The following CALN1 variants were observed in gnomAD, a reference collection of about 807,000 sequenced individuals.
CALN1 encodes calneuron 1, also known as calcium-binding protein 8.
Under a neutral mutation model 30.6 loss-of-function variants are expected in CALN1, and 17 were observed. That is an observed-to-expected ratio of 0.56 (90% CI 0.38 to 0.83). CALN1 has a LOEUF of 0.83. Among genes scored for constraint, CALN1 ranks in the 40% least tolerant of loss-of-function variants. The probability of loss-of-function intolerance (pLI) is 0.00; values close to 1 mark genes in which losing one functional copy is unlikely to be tolerated. For missense variants in CALN1, 291 were observed against 354.9 expected, an observed-to-expected ratio of 0.82 and a Z score of 1.45; for synonymous variants, 156 against 131.4, an observed-to-expected ratio of 1.19 and a Z score of -1.28.
intron 2 of CALN1, among the ~76,000 whole-genome samples, chr7:72,345,423 A>G (rs112175884): frequency 1.0e-3 from 127 of 123,312 alleles, no homozygotes; most frequent in Non-Finnish European, 1.7e-3. Context: ...GAGAAAGGAA[A>G]GAAAGGAAGG....
intron 5 of CALN1, among the ~76,000 whole-genome samples, chr7:71,870,766 G>A (rs1306159792): frequency 1.3e-5 from 2 of 152,188 alleles, no homozygotes; most frequent in African/African-American, 4.8e-5. Flanking sequence ...GGCAAATGAC[G>A]AAGCATAAAA....
chr7:71,785,056 G>A lies in CALN1; in HGVS notation c.*2719C>T, dbSNP rs60106355. Reference sequence around the variant, plus strand: ...GAGCTCCTGAAGTCTAAGGAATGCCGCTAGCTCAGGGCCGTCTCCACGCAC... The same window carrying A: ...GAGCTCCTGAAGTCTAAGGAATGCCACTAGCTCAGGGCCGTCTCCACGCAC... On this transcript the variant is annotated 3_prime_UTR_variant, in exon 7 of 7. Coordinates refer to ENST00000395275, the MANE Select transcript of CALN1 (RefSeq NM_031468.4). The A allele has an allele frequency of 0.013, 5,176 of 393,816 alleles. 243 individuals are homozygous for A. The highest frequency in any genetic ancestry group is 0.093 in the African/African-American group (4,515 of 48,620). The allele number at this position is 393,816 out of a possible 1,614,324, so 24.4% of individuals were successfully genotyped here.
chr7:72,316,312 G>A (rs1204087906), intron 2 of CALN1, among the ~76,000 whole-genome samples: 2 of 151,542 alleles, frequency 1.3e-5, no homozygotes, highest in Admixed American at 6.6e-5. Context: ...ATATTAGGGT[G>A]GTGCAAAAGT....
At chr7:72,058,141 C>T (rs1336763056) in intron 4 of CALN1, among the ~76,000 whole-genome samples, 2 of 151,992 alleles carry the variant, frequency 1.3e-5, no homozygotes, top group African/African-American at 2.4e-5. Flanking sequence ...TAAATAATCA[C>T]GCCACGTTAA....
At chr7:72,352,977 T>C (rs886434417) in intron 2 of CALN1, among the ~76,000 whole-genome samples, 2 of 151,964 alleles carry the variant, frequency 1.3e-5, no homozygotes, top group African/African-American at 4.8e-5. Flanking sequence ...TGACAAAAAA[T>C]GGACAATTTA....
intron 4 of CALN1, among the ~76,000 whole-genome samples, chr7:72,091,125 T>G (rs1221094360): frequency 1.3e-5 from 2 of 152,120 alleles, no homozygotes; most frequent in African/African-American, 4.8e-5. Flanking sequence ...GGTTTGGAAT[T>G]TGAGGCCAGA....
chr7:72,106,122 A>G, intron 4 of CALN1, 29 bp downstream of exon 4: 9 of 1,609,424 alleles, frequency 5.6e-6, no homozygotes, highest in Non-Finnish European at 7.6e-6. Context: ...GGCATGTCTC[A>G]GGGGAGAAGC....
intron 5 of CALN1, among the ~76,000 whole-genome samples, chr7:71,912,262 A>G (rs1024016140): frequency 9.2e-5 from 14 of 152,040 alleles, no homozygotes; most frequent in Non-Finnish European, 1.5e-4. Flanking sequence ...GGAACCTGAG[A>G]CTTTCTGCTG....
At chr7:72,150,102 A>C (rs919754402) in intron 3 of CALN1, among the ~76,000 whole-genome samples, 2 of 145,576 alleles carry the variant, frequency 1.4e-5, no homozygotes, top group African/African-American at 5.2e-5. Flanking sequence ...ACTCCAGCCT[A>C]GGCAACAAGA....
rs1803192011 is a variant in CALN1 at position 72,355,915 on chromosome 7, T to G, written c.119+47336A>C. On this transcript the variant is annotated intron_variant, in intron 2 of 6. Coordinates refer to ENST00000395275, the MANE Select transcript of CALN1 (RefSeq NM_031468.4). ...AGTGTACATTTTAAATGGGTGCATT[T>G]TATTATATGTAAATTATCCTCAATA... Among the ~76,000 whole-genome samples the G allele has an allele frequency of 2.0e-5, 3 of 152,302 alleles. No individual in the cohort carries two copies. In the South Asian group the frequency reaches 6.2e-4, roughly 32 times the overall value.
At chr7:72,267,231 A>G (rs1373651394) in intron 3 of CALN1, among the ~76,000 whole-genome samples, 2 of 152,182 alleles carry the variant, frequency 1.3e-5, no homozygotes, top group African/African-American at 4.8e-5. Context: ...AAACGGGATA[A>G]AACAGTAGGG....
At chr7:72,484,761 T>G in the CALN1 span, among the ~76,000 whole-genome samples, 5 of 152,344 alleles carry the variant, frequency 3.3e-5, no homozygotes, top group East Asian at 9.6e-4. Context: ...CAACACTGCC[T>G]GAGTACTCTC....
chr7:72,280,293 C>A (rs1028239524), intron 2 of CALN1, among the ~76,000 whole-genome samples: 1 of 152,212 alleles, frequency 6.6e-6, no homozygotes, highest in Non-Finnish European at 1.5e-5. Context: ...ATGGCTGAGG[C>A]AAGAGCCAAC....
At chr7:72,500,576 A>T in the CALN1 span, among the ~76,000 whole-genome samples, 1 of 151,792 alleles carries the variant, frequency 6.6e-6, no homozygotes, top group South Asian at 2.1e-4. Context: ...CACCGTGCCC[A>T]GCTTGCTCTT....
At chr7:72,322,362 A>G (rs374172417) in intron 2 of CALN1, among the ~76,000 whole-genome samples, 4 of 152,272 alleles carry the variant, frequency 2.6e-5, no homozygotes, top group Admixed American at 1.3e-4. Flanking sequence ...ATACAGAAGC[A>G]GCACCGCTCC....
At chr7:71,979,866 A>ATTT (rs1798299045) in intron 5 of CALN1, among the ~76,000 whole-genome samples, 1 of 118,788 alleles carries the variant, frequency 8.4e-6, no homozygotes, top group Non-Finnish European at 1.7e-5. Flanking sequence ...ACACATCAGG[A>ATTT]TTCTTTTTTT....
intron 5 of CALN1, among the ~76,000 whole-genome samples, chr7:71,870,012 T>C (rs1048282294): frequency 6.6e-6 from 1 of 152,072 alleles, no homozygotes; most frequent in African/African-American, 2.4e-5. Flanking sequence ...CCAACGGCCG[T>C]AGTTACCTCT....
At chr7:72,219,935 C>T (rs187759316) in intron 3 of CALN1, among the ~76,000 whole-genome samples, 1 of 151,942 alleles carries the variant, frequency 6.6e-6, no homozygotes, top group Non-Finnish European at 1.5e-5. Flanking sequence ...CATTGATTAG[C>T]CTCCTATAAA....
intron 5 of CALN1, among the ~76,000 whole-genome samples, chr7:71,936,564 C>T (rs1405597003): frequency 6.6e-6 from 1 of 152,066 alleles, no homozygotes; most frequent in African/African-American, 2.4e-5. Flanking sequence ...CGTGAAGATT[C>T]CATTTGTCTG....
Sources: gnomAD v4.1 joint callset for allele counts (sites outside exome capture counted in the v4.1 genomes callset) on GRCh38, gnomAD v4.1.1 for gene constraint, MANE v1.5 for transcripts, NCBI Gene and HGNC (gene_info 2026-07-23, HGNC 2026-07-21) for gene names.